The following CRISPLD1 variants were observed in gnomAD, a reference collection of about 807,000 sequenced individuals.
The protein encoded by CRISPLD1 is cysteine-rich secretory protein LCCL domain-containing 1.
A neutral mutation model predicts 77.5 loss-of-function variants in CRISPLD1; 60 were observed. The ratio of observed to expected loss-of-function variants is 0.77; its 90% CI spans 0.63 to 0.96. CRISPLD1 has a LOEUF of 0.96. CRISPLD1 is among the 40% of genes least tolerant of loss of function. The pLI, the probability that CRISPLD1 is intolerant of heterozygous loss-of-function variation, is 0.00. For missense variants in CRISPLD1, 623 were observed against 615.8 expected (o/e 1.01, Z -0.12); for synonymous variants, 195 against 200.1 (o/e 0.97, Z 0.22).
Position 75,014,066 on chromosome 8 carries a change from C to T in CRISPLD1, c.590C>T (p.Pro197Leu). The change falls in exon 5 of 15, where the codon CCC becomes CTC. Residue 197 changes from proline to leucine, a missense_variant. Pro to Leu is a moderately conservative substitution (Grantham distance 98). Transcript: ENST00000262207. ...HNMNIWGQIW[P>L]KAVYLVCNYS... ...ATGAACATCTGGGGGCAGATATGGC[C>T]CAAAGCTGTCTACCTGGTGTGCAAT... 6.2e-7 allele frequency: 1 copy of T among 1,612,750 alleles called. No individual in the cohort carries two copies.
intron 2 of CRISPLD1, among the ~76,000 whole-genome samples, chr8:75,003,358 C>T (rs1200840060): frequency 6.6e-6 from 1 of 151,966 alleles, no homozygotes; most frequent in Non-Finnish European, 1.5e-5. Context: ...CTTTTTAGAT[C>T]TTTTTTTATT....
At chr8:74,991,882 T>G (rs933549781) in intron 2 of CRISPLD1, among the ~76,000 whole-genome samples, 1 of 152,154 alleles carries the variant, frequency 6.6e-6, no homozygotes, top group African/African-American at 2.4e-5. Context: ...CCTATAAAGC[T>G]CCCTCTGCTC....
intron 14 of CRISPLD1, among the ~76,000 whole-genome samples, chr8:75,031,200 G>A (rs1813337180): frequency 6.6e-6 from 1 of 152,024 alleles, no homozygotes; most frequent in Non-Finnish European, 1.5e-5. Flanking sequence ...TATGTTGTGT[G>A]TGCGCACTTG....
intron 12 of CRISPLD1, among the ~76,000 whole-genome samples, chr8:75,024,852 T>G (rs1452606995): frequency 6.6e-6 from 1 of 152,022 alleles, no homozygotes; most frequent in Non-Finnish European, 1.5e-5. Context: ...GGTGTGAGAT[T>G]AAGGGAGGGA....
chr8:74,995,966 C>G (rs1812640254), intron 2 of CRISPLD1, among the ~76,000 whole-genome samples: 1 of 151,124 alleles, frequency 6.6e-6, no homozygotes, highest in East Asian at 1.9e-4. Flanking sequence ...AACTTAAATT[C>G]TCATATTTTT....
chr8:75,017,585 G>T (rs1813057218), intron 10 of CRISPLD1, 135 bp downstream of exon 10: 2 of 780,236 alleles, frequency 2.6e-6, no homozygotes, highest in Non-Finnish European at 3.8e-6. Context: ...ATTTTAGCTT[G>T]TAGTTTTCTT....
At chr8:75,001,949 G>T (rs988024971) in intron 2 of CRISPLD1, among the ~76,000 whole-genome samples, 3 of 152,050 alleles carry the variant, frequency 2.0e-5, no homozygotes, top group Admixed American at 6.5e-5. Flanking sequence ...TGAGTTTCTT[G>T]ACCTTTCTTG....
At chr8:75,019,621 A>T (rs187902323) in intron 10 of CRISPLD1, among the ~76,000 whole-genome samples, 1 of 151,994 alleles carries the variant, frequency 6.6e-6, no homozygotes, top group East Asian at 1.9e-4. Context: ...GTTCTATGCT[A>T]TTATCTATAT....
chr8:74,998,929 C>T (rs766173940), intron 2 of CRISPLD1, among the ~76,000 whole-genome samples: 10 of 151,840 alleles, frequency 6.6e-5, no homozygotes, highest in East Asian at 3.9e-4. Context: ...ATGTTAGTAA[C>T]GGATTAACTT....
At chr8:75,011,751 C>T (rs1812934996) in intron 2 of CRISPLD1, among the ~76,000 whole-genome samples, 1 of 151,966 alleles carries the variant, frequency 6.6e-6, no homozygotes, top group Admixed American at 6.6e-5. Context: ...ATGTATTTAA[C>T]AAGCATTTAT....
intron 12 of CRISPLD1, among the ~76,000 whole-genome samples, chr8:75,023,889 A>C (rs1813186108): frequency 6.6e-6 from 1 of 152,170 alleles, no homozygotes. Flanking sequence ...ATTTTTTAAA[A>C]TATCATGTGA....
chr8:75,026,061 T>C (rs889183560), intron 13 of CRISPLD1, among the ~76,000 whole-genome samples: 1 of 150,594 alleles, frequency 6.6e-6, no homozygotes, highest in Non-Finnish European at 1.5e-5. Context: ...AAAAGAGAAC[T>C]AGTTGAGGGG....
intron 2 of CRISPLD1, among the ~76,000 whole-genome samples, chr8:74,986,551 T>C (rs1321691130): frequency 6.6e-6 from 1 of 152,226 alleles, no homozygotes; most frequent in African/African-American, 2.4e-5. Context: ...GTTAATTGAC[T>C]TAGCTGAAAA....
chr8:75,007,236 T>C (rs1179380542), intron 2 of CRISPLD1, among the ~76,000 whole-genome samples: 14 of 152,202 alleles, frequency 9.2e-5, no homozygotes, highest in Admixed American at 7.9e-4. Flanking sequence ...CAAGAAGATA[T>C]ATTTGAAAAT....
At chr8:74,985,429 A>G (rs1399942659) in intron 1 of CRISPLD1, among the ~76,000 whole-genome samples, 2 of 152,122 alleles carry the variant, frequency 1.3e-5, no homozygotes, top group East Asian at 3.9e-4. Flanking sequence ...TTCACTCTCA[A>G]TTTTAGAATG....
chr8:75,003,103 G>A (rs935143856), intron 2 of CRISPLD1, among the ~76,000 whole-genome samples: 2 of 152,140 alleles, frequency 1.3e-5, no homozygotes, highest in African/African-American at 4.8e-5. Flanking sequence ...CCTGTTTGCA[G>A]GCACAGCAAT....
chr8:75,001,983 T>A lies in CRISPLD1; in HGVS notation c.259-10450T>A, dbSNP rs1043470434. Among the ~76,000 whole-genome samples, 11 of 152,258 alleles carry A rather than the reference T, an allele frequency of 7.2e-5. No homozygotes were observed. In the East Asian group the frequency reaches 2.1e-3, roughly 29 times the overall value. ...TGACCTAAAAAATGTTTTACATATA[T>A]ATGTATGTTAGTGAAACCTGAACTT... On this transcript the variant is annotated intron_variant, in intron 2 of 14. Transcript: ENST00000262207.
intron 2 of CRISPLD1, among the ~76,000 whole-genome samples, chr8:75,010,765 G>T (rs1055424430): frequency 6.6e-6 from 1 of 151,694 alleles, no homozygotes; most frequent in Non-Finnish European, 1.5e-5. Context: ...TTTCCTTTTA[G>T]ATTTTGATAA....
chr8:75,016,592 G>A lies in CRISPLD1; in HGVS notation c.755G>A (p.Arg252Gln), dbSNP rs778859478. Reference sequence around the variant, plus strand: ...GGGTCAGACAGGTATTATCCCCCTCGAGAAGAGGAAACAAATGAAATAGAA... The same window carrying A: ...GGGTCAGACAGGTATTATCCCCCTCAAGAAGAGGAAACAAATGAAATAGAA... Reference protein sequence around the residue: ...KEGSDRYYPPREEETNEIERQ... With the variant: ...KEGSDRYYPPQEEETNEIERQ... The change falls in exon 7 of 15, where the codon CGA (arginine) becomes CAA (glutamine). Residue 252 changes from arginine to glutamine, a missense_variant. Coordinates refer to ENST00000262207, the MANE Select transcript of CRISPLD1 (RefSeq NM_031461.6). The A allele has an allele frequency of 7.4e-6, 12 of 1,613,024 alleles. No homozygotes were observed. The highest frequency in any genetic ancestry group is 2.7e-5 in the African/African-American group (2 of 74,848).
Sources: gnomAD v4.1 joint callset for allele counts (sites outside exome capture counted in the v4.1 genomes callset) on GRCh38, gnomAD v4.1.1 for gene constraint, MANE v1.5 for transcripts, NCBI Gene and HGNC (gene_info 2026-07-23, HGNC 2026-07-21) for gene names.